Variants in NUP205 observed in about 807,000 individuals in gnomAD.
The protein encoded by NUP205 is nuclear pore complex protein Nup205.
In NUP205, 76 loss-of-function variants were observed where a neutral mutation model predicts 253.8. The ratio of observed to expected loss-of-function variants is 0.30; its 90% CI spans 0.25 to 0.36. The LOEUF (loss-of-function observed/expected upper bound fraction) is 0.36. NUP205 is among the 10% of genes least tolerant of loss of function. The probability of loss-of-function intolerance (pLI) is 1.00; values close to 1 mark genes in which losing one functional copy is unlikely to be tolerated. For synonymous variants in NUP205, 832 were observed against 850.1 expected, an observed-to-expected ratio of 0.98 and a Z score of 0.37; for missense variants, 2,162 against 2,425.5, an observed-to-expected ratio of 0.89 and a Z score of 2.28.
At chr7:135,561,921 T>C (rs1157541389) in intron 1 of NUP205, among the ~76,000 whole-genome samples, 2 of 151,210 alleles carry the variant, frequency 1.3e-5, no homozygotes, top group Non-Finnish European at 2.9e-5. Flanking sequence ...CCTTCCCTCC[T>C]TCCTTCCTTC....
At chr7:135,603,493 A>G (rs954346461) in intron 18 of NUP205, among the ~76,000 whole-genome samples, 1 of 150,884 alleles carries the variant, frequency 6.6e-6, no homozygotes, top group Non-Finnish European at 1.5e-5. Flanking sequence ...ATGTTCTAAG[A>G]ATCTAAGTCT....
intron 1 of NUP205, among the ~76,000 whole-genome samples, chr7:135,568,445 T>G (rs60546668): frequency 0.24 from 36,938 of 151,374 alleles, 4,632 homozygotes; most frequent in South Asian, 0.31. Flanking sequence ...CGATTCTGGT[T>G]CCTGGCCTCC....
In NUP205 at chr7:135,617,191, G is replaced by C; in HGVS notation, c.3634G>C (p.Val1212Leu). Reference sequence around the variant, plus strand: ...TTTTGATCGGGCCCAGATTGAACAAGTTATTGCTAACTGTGAACACAAGAA... The same window carrying C: ...TTTTGATCGGGCCCAGATTGAACAACTTATTGCTAACTGTGAACACAAGAA... ...DFFDRAQIEQ[V>L]IANCEHKNLR... Residue 1212 changes from valine to leucine, a missense_variant, in exon 26 of 43, where the codon GTT (valine) becomes CTT (leucine). Coordinates refer to ENST00000285968, the MANE Select transcript of NUP205 (RefSeq NM_015135.3). 1 of 1,613,928 alleles carries C rather than the reference G, an allele frequency of 6.2e-7. No individual in the cohort carries two copies. The highest frequency in any genetic ancestry group is 1.3e-5 in the African/African-American group (1 of 75,030).
Position 135,617,228 on chromosome 7 carries a change from A to C in NUP205, c.3671A>C (p.Gln1224Pro). 2 of 1,613,818 alleles carry C rather than the reference A, an allele frequency of 1.2e-6. No individual in the cohort carries two copies. The highest frequency in any genetic ancestry group is 4.5e-5 in the East Asian group (2 of 44,870). Residue 1224 changes from glutamine to proline, a missense_variant, in exon 26 of 43, where the codon CAG becomes CCG. Around this residue, in one of 5 missense-constraint regions of NUP205, gnomAD observed 1,144 missense variants for 1,280.9 expected, o/e 0.89. Coordinates refer to ENST00000285968, the MANE Select transcript of NUP205 (RefSeq NM_015135.3). The part of the protein sequence containing the change: ...ANCEHKNLRG[Q>P]TVCNVKLLHR... ...TGTGAACACAAGAATTTACGGGGAC[A>C]GACAGTCTGCAATGTCAAGGTGAGG...
At chr7:135,622,046 C>G (rs1276714519) in intron 30 of NUP205, among the ~76,000 whole-genome samples, 1 of 151,572 alleles carries the variant, frequency 6.6e-6, no homozygotes, top group Admixed American at 6.6e-5. Flanking sequence ...TCAAGTGATC[C>G]ACCGCCTCGG....
intron 20 of NUP205, 74 bp downstream of exon 20, chr7:135,606,300 T>C (rs1794085108): frequency 1.0e-6 from 1 of 982,884 alleles, no homozygotes; most frequent in African/African-American, 1.6e-5. Flanking sequence ...AAAACACTTG[T>C]AATTGTTAAC....
At chr7:135,592,652 C>T (rs1198348254) in intron 11 of NUP205, among the ~76,000 whole-genome samples, 6 of 152,100 alleles carry the variant, frequency 3.9e-5, no homozygotes, top group East Asian at 1.9e-4. Context: ...TTTGGGAGGC[C>T]GAGGCAGGCG....
chr7:135,588,865 C>G (rs899740020), intron 10 of NUP205, among the ~76,000 whole-genome samples: 1 of 151,244 alleles, frequency 6.6e-6, no homozygotes, highest in Non-Finnish European at 1.5e-5. Context: ...TCTGTATTAA[C>G]TAAAGTATGA....
rs1288207429 is a variant in NUP205 at position 135,571,106 on chromosome 7, T to G, written c.30T>G (p.Ala10=). MATPLAVNS[A]ASLWGPYKDI... is the part of the protein sequence containing the mutation. ...GGTTTCATTTATTTTTTCTTTAAGCTGCTAGTCTATGGGGTCCTTACAAAG... is the reference window on the plus strand; with the variant it reads ...GGTTTCATTTATTTTTTCTTTAAGCGGCTAGTCTATGGGGTCCTTACAAAG... The change falls in exon 2 of 43, where the codon GCT becomes GCG. Residue 10 remains alanine (A), a splice_region_variant and synonymous_variant. Transcript: ENST00000285968. The G allele has an allele frequency of 1.3e-6, 2 of 1,546,266 alleles. No homozygotes were observed. The highest frequency in any genetic ancestry group is 1.4e-5 in the African/African-American group (1 of 70,492).
chr7:135,574,643 A>G (rs1195996502), intron 3 of NUP205, among the ~76,000 whole-genome samples: 9 of 152,166 alleles, frequency 5.9e-5, no homozygotes, highest in Non-Finnish European at 1.3e-4. Context: ...GAATCAGAGC[A>G]TGTTTGATTT....
At chr7:135,585,264 A>G (rs1488421136) in intron 8 of NUP205, among the ~76,000 whole-genome samples, 2 of 152,170 alleles carry the variant, frequency 1.3e-5, no homozygotes, top group Non-Finnish European at 2.9e-5. Context: ...GGCTCAGAAT[A>G]TGGCCTGTCT....
At chr7:135,644,613 T>C (rs1415810137) in intron 39 of NUP205, among the ~76,000 whole-genome samples, 1 of 152,238 alleles carries the variant, frequency 6.6e-6, no homozygotes, top group Admixed American at 6.5e-5. Context: ...TCTTGGTTTG[T>C]TTTAATGTGA....
At chr7:135,639,455 C>T (rs778804186) in intron 38 of NUP205, among the ~76,000 whole-genome samples, 4 of 151,908 alleles carry the variant, frequency 2.6e-5, no homozygotes, top group Non-Finnish European at 4.4e-5. Flanking sequence ...TTTGAGAGGC[C>T]GAGGCAGGCA....
intron 36 of NUP205, among the ~76,000 whole-genome samples, chr7:135,637,536 A>G (rs1269164721): frequency 1.3e-5 from 2 of 152,204 alleles, no homozygotes; most frequent in African/African-American, 2.4e-5. Flanking sequence ...GCCTTGGTAG[A>G]CAAAATTATC....
At chr7:135,561,146 AC>A (rs1219504730) in intron 1 of NUP205, among the ~76,000 whole-genome samples, 1 of 152,086 alleles carries the variant, frequency 6.6e-6, no homozygotes, top group African/African-American at 2.4e-5. Context: ...GGAGTTCGAG[AC>A]CAGCCTGGCC....
intron 30 of NUP205, among the ~76,000 whole-genome samples, chr7:135,620,971 A>G (rs1238948804): frequency 2.0e-5 from 3 of 152,250 alleles, no homozygotes; most frequent in Non-Finnish European, 4.4e-5. Flanking sequence ...ATAATGCTTT[A>G]TATACTTTAT....
Position 135,635,614 on chromosome 7 carries a change from A to T in NUP205, c.5093A>T (p.Glu1698Val), listed in dbSNP as rs1794795201. 1 of 1,595,662 alleles carries T rather than the reference A, an allele frequency of 6.3e-7. No individual in the cohort carries two copies. Among genetic ancestry groups the T allele is most frequent in the Non-Finnish European group, 8.6e-7 (1 of 1,165,436 alleles). Residue 1698 changes from glutamate to valine, a missense_variant, in exon 36 of 43, where the codon GAA becomes GTA. By Grantham distance (121) the Glu-to-Val change is moderately radical. Transcript: ENST00000285968. ...AGTGAACTTGACGTTGATGTAAATGAAGGGTCTCTAATGGAGCTACAGGGA... is the reference window on the plus strand; with the variant it reads ...AGTGAACTTGACGTTGATGTAAATGTAGGGTCTCTAATGGAGCTACAGGGA... ...ILSELDVDVN[E>V]GSLMELQGHI...
At chr7:135,585,726 T>A (rs928355896) in intron 8 of NUP205, among the ~76,000 whole-genome samples, 2 of 152,084 alleles carry the variant, frequency 1.3e-5, no homozygotes, top group Admixed American at 6.6e-5. Flanking sequence ...TAGTTTTTTG[T>A]ATTTTTATTA....
In NUP205 at chr7:135,564,059, C is replaced by T. The variant is rs114645479; in HGVS notation, c.28+6087C>T. Among the ~76,000 whole-genome samples the T allele has an allele frequency of 4.4e-3, 665 of 151,780 alleles. 3 individuals carry two copies. Among genetic ancestry groups the T allele is most frequent in the African/African-American group, 0.013 (548 of 41,296 alleles). On this transcript the variant is annotated intron_variant, in intron 1 of 42. Transcript: ENST00000285968. ...ACAGATTGAAGATAACTCTTTGTTG[C>T]GGCTACCTTTGGTGTTTTTTTTTTC... is the stretch of plus-strand genomic sequence containing the variant.
Sources: gnomAD v4.1 joint callset for allele counts (sites outside exome capture counted in the v4.1 genomes callset) on GRCh38, gnomAD v4.1.1 for gene constraint, gnomAD v4.1.1 regional missense constraint, MANE v1.5 for transcripts, NCBI Gene and HGNC (gene_info 2026-07-23, HGNC 2026-07-21) for gene names.